The following TCTA variants were observed in gnomAD, a reference collection of about 807,000 sequenced individuals.
TCTA encodes T cell leukemia translocation altered, also known as T-cell leukemia translocation-altered gene protein.
Under a neutral mutation model 13.5 loss-of-function variants are expected in TCTA, and 13 were observed. That is an observed-to-expected ratio of 0.96 (90% confidence interval 0.63 to 1.53). The LOEUF (loss-of-function observed/expected upper bound fraction) is 1.53. Ranked by LOEUF, TCTA falls within the 40% of genes most tolerant of loss-of-function variation. The probability of loss-of-function intolerance (pLI) is 0.00; values close to 1 mark genes in which losing one functional copy is unlikely to be tolerated. For missense variants in TCTA, 138 were observed against 131.3 expected, an observed-to-expected ratio of 1.05 and a Z score of -0.25; for synonymous variants, 58 against 59.0, an observed-to-expected ratio of 0.98 and a Z score of 0.08.
chr3:49,414,114 G>A (rs749773437), intron 2 of TCTA, among the ~76,000 whole-genome samples: 2 of 151,958 alleles, frequency 1.3e-5, no homozygotes, highest in Non-Finnish European at 2.9e-5. Flanking sequence ...GGTGGCATAC[G>A]CCTGTAATCC....
In TCTA at chr3:49,415,161, C is replaced by G; in HGVS notation, c.*299C>G. On this transcript the variant is annotated 3_prime_UTR_variant, in exon 3 of 3. Coordinates refer to ENST00000273590, the MANE Select transcript of TCTA (RefSeq NM_022171.3). The stretch of plus-strand genomic sequence containing the variant: ...CTCTGGGTTGGGAAGACCATCAGTT[C>G]TTTTGTCTTAGGTTTCTTTTCCTGT... 3.2e-6 allele frequency: 1 copy of G among 309,806 alleles called. No individual in the cohort carries two copies. The highest frequency in any genetic ancestry group is 6.0e-6 in the Non-Finnish European group (1 of 165,862). The allele number at this position is 309,806 out of a possible 1,614,324, so 19.2% of individuals were successfully genotyped here.
Position 49,413,143 on chromosome 3 carries a change from C to T in TCTA, c.269+33C>T, listed in dbSNP as rs773522061. On this transcript the variant is annotated intron_variant, in intron 2 of 2. Transcript: ENST00000273590. ...AATCTGTCCATACCGCAACCCCATG[C>T]TTGGCATTCCAAGGACACTCCTGTG... 2.5e-6 allele frequency: 4 copies of T among 1,613,274 alleles called. No homozygotes were observed. The South Asian group carries it at 4.4e-5, about 18-fold the overall frequency.
intron 2 of TCTA, among the ~76,000 whole-genome samples, chr3:49,414,340 C>T (rs1209784975): frequency 6.6e-6 from 1 of 152,092 alleles, no homozygotes; most frequent in Admixed American, 6.5e-5. Flanking sequence ...TTGAGACCAG[C>T]CTGGCCAACA....
rs972223124 is a variant in TCTA at position 49,412,768 on chromosome 3, A to G, written c.214+128A>G. On this transcript the variant is annotated intron_variant, in intron 1 of 2. Coordinates refer to ENST00000273590, the MANE Select transcript of TCTA (RefSeq NM_022171.3). Reference sequence around the variant, plus strand: ...CTTAACATTGGTTCACGGCCTTACTACCCTGAACGCATCTGACCTCGGAAG... The same window carrying G: ...CTTAACATTGGTTCACGGCCTTACTGCCCTGAACGCATCTGACCTCGGAAG... The G allele has an allele frequency of 4.3e-6, 5 of 1,151,384 alleles. No individual in the cohort carries two copies. The South Asian group carries it at 5.8e-5, about 13-fold the overall frequency. 71.3% of individuals were successfully genotyped at this position (1,151,384 alleles called of 1,614,324 possible). A position where few individuals can be genotyped will look rare whatever the true frequency, so the allele number is the denominator to read the frequency against.
At chr3:49,413,321 G>A (rs933115300) in intron 2 of TCTA, 13 of 580,364 alleles carry the variant, frequency 2.2e-5, no homozygotes, top group Non-Finnish European at 4.0e-5. Flanking sequence ...CAGCCTGTAG[G>A]ATAGGTGGTG....
intron 2 of TCTA, 85 bp downstream of exon 2, chr3:49,413,195 G>A (rs2107924587): frequency 6.7e-7 from 1 of 1,497,956 alleles, no homozygotes; most frequent in East Asian, 2.3e-5. Flanking sequence ...GAGTTCTCAG[G>A]CTTTAAGCCC....
In TCTA at chr3:49,416,292, A is replaced by C. The variant is rs1188535519; in HGVS notation, c.*1430A>C. ...CTACTTCCTTCCTGTTGGATATCAT[A>C]CTTCCATCTGGCTGCCTTTGCTTAA... On this transcript the variant is annotated 3_prime_UTR_variant, in exon 3 of 3. Transcript: ENST00000273590. The C allele has an allele frequency of 5.9e-6, 1 of 169,152 alleles. No individual in the cohort carries two copies. Among genetic ancestry groups the C allele is most frequent in the Admixed American group, 5.5e-5 (1 of 18,214 alleles). 10.5% of individuals were successfully genotyped at this position (169,152 alleles called of 1,614,324 possible).
At chr3:49,412,689 C>T (rs201580769) in intron 1 of TCTA, 49 bp downstream of exon 1, 19 of 1,591,388 alleles carry the variant, frequency 1.2e-5, no homozygotes, top group Non-Finnish European at 1.5e-5. Context: ...CGCCCCCACC[C>T]TCTCCCGACT....
At chr3:49,413,785 G>A (rs998487695) in intron 2 of TCTA, among the ~76,000 whole-genome samples, 4 of 152,210 alleles carry the variant, frequency 2.6e-5, no homozygotes, top group African/African-American at 7.2e-5. Flanking sequence ...GAGCTTGAAC[G>A]TGAGAGCTTG....
Position 49,414,954 on chromosome 3 carries a change from C to CG in TCTA, c.*97dup. 1 of 1,545,828 alleles carries CG rather than the reference C, an allele frequency of 6.5e-7. No homozygotes were observed. Among genetic ancestry groups the CG allele is most frequent in the African/African-American group, 1.4e-5 (1 of 73,258 alleles). On this transcript the variant is annotated 3_prime_UTR_variant, in exon 3 of 3. Coordinates refer to ENST00000273590, the MANE Select transcript of TCTA (RefSeq NM_022171.3). ...CTCCCCAGACCTCAGGGACAACTGC[C>CG]GGGGGTTCAGGGTTGGTAGCAGGGA...
chr3:49,412,645 G>A lies in TCTA; in HGVS notation c.214+5G>A. 1 of 1,612,130 alleles carries A rather than the reference G, an allele frequency of 6.2e-7. No homozygotes were observed. ...CCGGGTTGTATCACCGTCCAGGTGAGGCTTCCTACGAACCTCCGTGGGCTG... is the reference window on the plus strand; with the variant it reads ...CCGGGTTGTATCACCGTCCAGGTGAAGCTTCCTACGAACCTCCGTGGGCTG... On this transcript the variant is annotated splice_donor_5th_base_variant and intron_variant, in intron 1 of 2. Coordinates refer to ENST00000273590, the MANE Select transcript of TCTA (RefSeq NM_022171.3).
At chr3:49,412,809 G>T (rs2048965359) in intron 1 of TCTA, 169 bp downstream of exon 1, 1 of 855,144 alleles carries the variant, frequency 1.2e-6, no homozygotes, top group Non-Finnish European at 1.8e-6. Context: ...CCAGGTACTT[G>T]GATGGGAGAA....
intron 1 of TCTA, 160 bp downstream of exon 1, chr3:49,412,800 C>T: frequency 1.1e-6 from 1 of 918,496 alleles, no homozygotes; most frequent in Non-Finnish European, 1.6e-6. Flanking sequence ...GAAGCTAAGC[C>T]AGGTACTTGG....
rs758475959 is a variant in TCTA, at chr3:49,412,573, T to G, written c.147T>G (p.Ser49Arg). 6.2e-7 allele frequency: 1 copy of G among 1,614,168 alleles called. No homozygotes were observed. The highest frequency in any genetic ancestry group is 8.5e-7 in the Non-Finnish European group (1 of 1,180,012). The part of the protein sequence containing the change: ...FKLLLLWLVL[S>R]LLGIQLAWGF... ...TGCTGCTGCTGTGGTTGGTGTTAAG[T>G]CTCCTGGGCATCCAGCTGGCGTGGG... Residue 49 changes from serine to arginine, a missense_variant, in exon 1 of 3, where the codon AGT (serine) becomes AGG (arginine). Transcript: ENST00000273590.
intron 2 of TCTA, 72 bp downstream of exon 2, chr3:49,413,182 G>C: frequency 6.4e-7 from 1 of 1,571,290 alleles, no homozygotes; most frequent in South Asian, 1.1e-5. Flanking sequence ...GTGACAGAGA[G>C]GGGAGTTCTC....
chr3:49,414,809 A>T lies in TCTA; in HGVS notation c.270-11A>T, dbSNP rs764918346. 2 of 1,613,842 alleles carry T rather than the reference A, an allele frequency of 1.2e-6. No individual in the cohort carries two copies. Among genetic ancestry groups the T allele is most frequent in the South Asian group, 2.2e-5 (2 of 91,060 alleles). On this transcript the variant is annotated splice_polypyrimidine_tract_variant and intron_variant, in intron 2 of 2. Transcript: ENST00000273590. ...TAACCACTCTCTCTTCTCTCTCTCC[A>T]TCACTTTCAGGGAAATGGCAGCAAA...
At position 49,414,803 on chromosome 3, in the gene TCTA, C is replaced by G. The variant is rs753639106; in HGVS notation, c.270-17C>G. 16 of 1,613,704 alleles carry G rather than the reference C, an allele frequency of 9.9e-6. No individual in the cohort carries two copies. The African/African-American group carries it at 2.1e-4, about 22-fold the overall frequency. ...ATGGAATAACCACTCTCTCTTCTCTCTCTCCATCACTTTCAGGGAAATGGC... is the reference window on the plus strand; with the variant it reads ...ATGGAATAACCACTCTCTCTTCTCTGTCTCCATCACTTTCAGGGAAATGGC... On this transcript the variant is annotated splice_polypyrimidine_tract_variant and intron_variant, in intron 2 of 2. Transcript: ENST00000273590.
chr3:49,412,872 C>A, intron 1 of TCTA, 184 bp from the exon 2 acceptor site: 1 of 723,674 alleles, frequency 1.4e-6, no homozygotes, highest in Non-Finnish European at 2.3e-6. Context: ...CCAGAATCCC[C>A]ACCAGTCCAC....
In TCTA at chr3:49,414,944, G is replaced by T. The variant is rs921619293; in HGVS notation, c.*82G>T. The T allele has an allele frequency of 8.8e-5, 139 of 1,575,144 alleles. No homozygotes were observed. Among genetic ancestry groups the T allele is most frequent in the Middle Eastern group, 6.8e-4 (4 of 5,906 alleles). On this transcript the variant is annotated 3_prime_UTR_variant, in exon 3 of 3. Coordinates refer to ENST00000273590, the MANE Select transcript of TCTA (RefSeq NM_022171.3). ...GGTTCTGCTACTCCCCAGACCTCAG[G>T]GACAACTGCCGGGGGTTCAGGGTTG...
Sources: gnomAD v4.1 joint callset for allele counts (sites outside exome capture counted in the v4.1 genomes callset) on GRCh38, gnomAD v4.1.1 for gene constraint, MANE v1.5 for transcripts, NCBI Gene and HGNC (gene_info 2026-07-23, HGNC 2026-07-21) for gene names.